Variants in PVRIG observed in about 807,000 individuals in gnomAD.
PVRIG encodes transmembrane protein PVRIG.
In PVRIG, 16 loss-of-function variants were observed where a neutral mutation model predicts 21.9. The ratio of observed to expected loss-of-function variants is 0.73; its 90% CI spans 0.50 to 1.11. The LOEUF (loss-of-function observed/expected upper bound fraction) is 1.11, where lower values mean the gene tolerates loss of function less well. PVRIG is among the 50% of genes most tolerant of loss of function. The probability of loss-of-function intolerance (pLI) is 0.00; values close to 1 mark genes in which losing one functional copy is unlikely to be tolerated. For missense variants in PVRIG, 435 were observed against 445.7 expected (o/e 0.98, Z 0.22); for synonymous variants, 190 against 181.0 (o/e 1.05, Z -0.40).
chr7:100,219,882 G>C, exon 2 of PVRIG: 1 of 1,520,788 alleles, frequency 6.6e-7, no homozygotes, highest in Non-Finnish European at 8.9e-7. Flanking sequence ...GTGGCTGTTT[G>C]GCTGCTGACA....
exon 4 of PVRIG, chr7:100,220,609 G>A (rs768616986): frequency 7.4e-6 from 12 of 1,611,864 alleles, no homozygotes; most frequent in Admixed American, 1.7e-5. Context: ...GATCTTGGGG[G>A]TCTCAGGAGT....
At chr7:100,221,070 G>A (rs769972250) in exon 6 of PVRIG, 11 of 1,613,870 alleles carry the variant, frequency 6.8e-6, no homozygotes, top group Non-Finnish European at 9.3e-6. Flanking sequence ...GCTGCACACC[G>A]GCCCCAGGGC....
chr7:100,220,146 G>A, exon 3 of PVRIG: 1 of 1,598,448 alleles, frequency 6.3e-7, no homozygotes, highest in South Asian at 1.1e-5. Context: ...AGTTCGGATG[G>A]AGGCCACCGA....
exon 6 of PVRIG, chr7:100,221,022 A>C (rs199878372): frequency 7.4e-6 from 12 of 1,612,200 alleles, no homozygotes; most frequent in Non-Finnish European, 1.0e-5. Flanking sequence ...GCTCACCCCC[A>C]TGGGGGGCCG....
rs756717727 is a variant in PVRIG, at chr7:100,220,854, CAG to C, written c.657+35_657+36del. On this transcript the variant is annotated intron_variant, in intron 5 of 5. Transcript: ENST00000317271. The stretch of plus-strand genomic sequence containing the variant: ...GGGACCTGCTTTGGGGATGAGGTGA[CAG>C]GGGCAGGGGCAGGGGGGCCAGGGCT... 57 of 1,598,474 alleles carry C rather than the reference CAG, an allele frequency of 3.6e-5. 1 individual carries two copies. The highest frequency in any genetic ancestry group is 2.4e-4 in the South Asian group (22 of 90,318).
exon 6 of PVRIG, chr7:100,221,181 G>A (rs760405067): frequency 1.2e-6 from 2 of 1,611,482 alleles, no homozygotes; most frequent in Non-Finnish European, 1.7e-6. Flanking sequence ...CCTCACACTG[G>A]TCCCGGCCTC....
exon 2 of PVRIG, chr7:100,219,799 C>A (rs1803084932): frequency 1.1e-5 from 9 of 843,424 alleles, no homozygotes; most frequent in Non-Finnish European, 1.5e-5. Context: ...CAGGCCCTCA[C>A]TGTCACTTTA....
In PVRIG at chr7:100,221,105, A is replaced by G. The variant is rs765136131; in HGVS notation, c.835A>G (p.Ile279Val). 1.9e-5 allele frequency: 30 copies of G among 1,613,788 alleles called. No individual in the cohort carries two copies. The Middle Eastern group carries it at 6.6e-4, about 36-fold the overall frequency. The change falls in exon 6 of 6, where the codon ATC (isoleucine) becomes GTC (valine). Residue 279 changes from isoleucine to valine, a missense_variant. Transcript: ENST00000317271. ...CCCTGCCGCCTGGGCCTCCACACCC[A>G]TCCCTGCACGTGGCAGCTTTGTCTC...
In PVRIG at chr7:100,219,981, G is replaced by A. The variant is rs757747743; in HGVS notation, c.71G>A (p.Arg24Gln). ...GGACTGGAGGGGGCCATGGGGCACC[G>A]GACCCTGGTCCTGCCCTGGGTGCTG... Residue 24 changes from arginine to glutamine, a missense_variant, in exon 2 of 6, where the codon CGG becomes CAG. Coordinates refer to ENST00000317271, the Ensembl canonical transcript of PVRIG. 1.8e-4 allele frequency: 280 copies of A among 1,590,444 alleles called. 1 individual carries two copies. The highest frequency in any genetic ancestry group is 4.1e-4 in the South Asian group (36 of 87,370).
At chr7:100,220,144 T>C in exon 3 of PVRIG, 4 of 1,599,170 alleles carry the variant, frequency 2.5e-6, no homozygotes, top group South Asian at 1.1e-5. Context: ...CAAGTTCGGA[T>C]GGAGGCCACC....
intron 1 of PVRIG, chr7:100,219,623 C>T (rs1343327759): frequency 1.9e-6 from 1 of 521,814 alleles, no homozygotes; most frequent in Non-Finnish European, 3.4e-6. Flanking sequence ...AGAGCCCTTT[C>T]TTAGGGAAGC....
chr7:100,220,022 A>G (rs1338185651), exon 2 of PVRIG: 1 of 1,604,658 alleles, frequency 6.2e-7, no homozygotes, highest in East Asian at 2.2e-5. Context: ...CTTGTGTGTC[A>G]CTGCGGGTGA....
chr7:100,220,559 C>T lies in PVRIG; in HGVS notation c.482C>T (p.Pro161Leu), dbSNP rs764753389. Reference sequence around the variant, plus strand: ...TCTCCGTGCCCAGGGCTCTCTGCCCCGCCGACTCCTGCCCCCATTCTGCGG... The same window carrying T: ...TCTCCGTGCCCAGGGCTCTCTGCCCTGCCGACTCCTGCCCCCATTCTGCGG... The change falls in exon 4 of 6, where the codon CCG becomes CTG. Residue 161 changes from proline (P) to leucine (L), a missense_variant. Transcript: ENST00000317271. 38 of 1,611,478 alleles carry T rather than the reference C, an allele frequency of 2.4e-5. No individual in the cohort carries two copies. Among genetic ancestry groups the T allele is most frequent in the Middle Eastern group, 2.1e-4 (1 of 4,720 alleles).
Position 100,220,905 on chromosome 7 carries a change from T to A in PVRIG, c.658-23T>A, listed in dbSNP as rs1369216807. 3.2e-6 allele frequency: 5 copies of A among 1,580,654 alleles called. No individual in the cohort carries two copies. The East Asian group carries it at 6.7e-5, about 21-fold the overall frequency. ...CTGGGCCCAAGCTGTGCAGACTCAC[T>A]TGACCCTCCTTCCCCCGCGCAGGCA... On this transcript the variant is annotated intron_variant, in intron 5 of 5. Coordinates refer to ENST00000317271, the Ensembl canonical transcript of PVRIG.
exon 6 of PVRIG, chr7:100,221,171 C>G: frequency 3.7e-6 from 6 of 1,612,356 alleles, no homozygotes; most frequent in Non-Finnish European, 5.1e-6. Flanking sequence ...GGAGAGGCCT[C>G]CTCACACTGG....
chr7:100,220,348 T>C, exon 3 of PVRIG: 1 of 1,560,474 alleles, frequency 6.4e-7, no homozygotes, highest in Non-Finnish European at 8.7e-7. Context: ...TCTCTCATCC[T>C]GGAAGGCTCT....
rs140026168 is a variant in PVRIG, at chr7:100,220,672, C to T, written c.595C>T (p.Arg199Cys). 1.0e-4 allele frequency: 165 copies of T among 1,610,852 alleles called. No individual in the cohort carries two copies. In the African/African-American group the frequency reaches 1.7e-3, roughly 16 times the overall value. The change falls in exon 4 of 6, where the codon CGC (arginine) becomes TGC (cysteine). Residue 199 changes from arginine (R) to cysteine (C), a missense_variant and splice_region_variant. Physicochemically the swap from Arg to Cys is radical, Grantham distance 180. Transcript: ENST00000317271. ...TCATCTGCTGCGCCGACATAAGCACCGGTGAGACCTGGTCCCTGTCCACGT... is the reference window on the plus strand; with the variant it reads ...TCATCTGCTGCGCCGACATAAGCACTGGTGAGACCTGGTCCCTGTCCACGT...
chr7:100,219,479 C>G (rs1803058417), intron 1 of PVRIG: 1 of 234,448 alleles, frequency 4.3e-6, no homozygotes, highest in African/African-American at 2.3e-5. Context: ...GCCTGCATTG[C>G]AGGTGTAAGC....
At chr7:100,219,977 C>T (rs1432572274) in exon 2 of PVRIG, 1 of 1,586,924 alleles carries the variant, frequency 6.3e-7, no homozygotes, top group Non-Finnish European at 8.6e-7. Context: ...GGCCATGGGG[C>T]ACCGGACCCT....
Sources: allele counts gnomAD v4.1 joint callset, GRCh38; gene constraint gnomAD v4.1.1; transcripts MANE v1.5; gene names NCBI Gene and HGNC (gene_info 2026-07-23, HGNC 2026-07-21).